The following LIN7A variants were observed in gnomAD, a reference collection of about 807,000 sequenced individuals.
LIN7A encodes the protein protein lin-7 homolog A.
In LIN7A, 25 loss-of-function variants were observed where a neutral mutation model predicts 29.8. That is an observed-to-expected ratio of 0.84 (90% confidence interval 0.61 to 1.17). LIN7A has a LOEUF of 1.17. Among genes scored for constraint, LIN7A ranks in the 50% most tolerant of loss-of-function variants. The probability of loss-of-function intolerance (pLI) is 0.00; values close to 1 mark genes in which losing one functional copy is unlikely to be tolerated. For missense variants in LIN7A, 239 were observed against 287.0 expected (o/e 0.83, Z 1.21); for synonymous variants, 118 against 107.5 (o/e 1.10, Z -0.60).
chr12:80,806,739 A>G (rs945808001), intron 5 of LIN7A, among the ~76,000 whole-genome samples: 1 of 152,230 alleles, frequency 6.6e-6, no homozygotes, highest in Non-Finnish European at 1.5e-5. Context: ...AAGTGTGACA[A>G]TCCCATTTAG....
chr12:80,919,625 G>C (rs1434168474), intron 1 of LIN7A, among the ~76,000 whole-genome samples: 2 of 152,140 alleles, frequency 1.3e-5, no homozygotes, highest in Non-Finnish European at 2.9e-5. Context: ...CTCTATCCCA[G>C]GAATGGGGTG....
intron 2 of LIN7A, among the ~76,000 whole-genome samples, chr12:80,866,847 T>G (rs1204438677): frequency 6.6e-6 from 1 of 152,212 alleles, no homozygotes; most frequent in Non-Finnish European, 1.5e-5. Flanking sequence ...AGCTGTGTCT[T>G]TGGAGGCTTG....
intron 2 of LIN7A, among the ~76,000 whole-genome samples, chr12:80,881,327 G>T (rs1875022815): frequency 6.6e-6 from 1 of 152,172 alleles, no homozygotes; most frequent in South Asian, 2.1e-4. Context: ...GGAGCCATCA[G>T]CTTTCTTTTC....
In LIN7A at chr12:80,793,956, T is replaced by C. The variant is rs1177925858; in HGVS notation, c.*3771A>G. ...GTTGAGTTCAACTCAGCATAAAAACTCTGTATCCCCAAACATTGTTCCTTA... is the reference window on the plus strand; with the variant it reads ...GTTGAGTTCAACTCAGCATAAAAACCCTGTATCCCCAAACATTGTTCCTTA... On this transcript the variant is annotated 3_prime_UTR_variant, in exon 6 of 6. Transcript: ENST00000552864. The C allele has an allele frequency of 6.6e-6, 1 of 152,146 alleles. No homozygotes were observed. The highest frequency in any genetic ancestry group is 1.5e-5 in the Non-Finnish European group (1 of 68,022). The allele number at this position is 152,146 out of a possible 1,614,324, so 9.4% of individuals were successfully genotyped here.
intron 2 of LIN7A, among the ~76,000 whole-genome samples, chr12:80,876,193 C>T (rs1352744746): frequency 1.3e-5 from 2 of 151,952 alleles, no homozygotes; most frequent in Admixed American, 6.5e-5. Flanking sequence ...AGGATCAAAA[C>T]TATGTGCCAC....
intron 2 of LIN7A, among the ~76,000 whole-genome samples, chr12:80,857,178 T>C (rs1018773473): frequency 6.6e-6 from 1 of 152,190 alleles, no homozygotes; most frequent in Admixed American, 6.5e-5. Context: ...AGTCTTCTCA[T>C]TTTATATTCC....
At chr12:80,810,947 G>A (rs1871257413) in intron 5 of LIN7A, among the ~76,000 whole-genome samples, 1 of 152,160 alleles carries the variant, frequency 6.6e-6, no homozygotes, top group Non-Finnish European at 1.5e-5. Context: ...ATAGACAGTG[G>A]CAGGTCTCAG....
chr12:80,848,631 C>T (rs1387136996), intron 2 of LIN7A, among the ~76,000 whole-genome samples: 1 of 145,734 alleles, frequency 6.9e-6, no homozygotes, highest in Non-Finnish European at 1.5e-5. Context: ...AACTAAAGTA[C>T]AGAAAAAAAA....
In LIN7A at chr12:80,893,968, C is replaced by T. The variant is rs552872874; in HGVS notation, c.83-4599G>A. On this transcript the variant is annotated intron_variant, in intron 1 of 5. Transcript: ENST00000552864. ...TCAAGTTCCTCCAGCCAGGCCTAGC[C>T]GTTTTGGAAACAAATAGGTGGGAGT... 1.7e-4 allele frequency among the ~76,000 whole-genome samples: 26 copies of T among 152,214 alleles called. No individual in the cohort carries two copies. In the East Asian group the frequency reaches 2.1e-3, roughly 12 times the overall value.
intron 1 of LIN7A, among the ~76,000 whole-genome samples, chr12:80,912,026 G>GA (rs1246698814): frequency 2.0e-5 from 3 of 151,746 alleles, no homozygotes; most frequent in African/African-American, 7.3e-5. Context: ...TAACAGATAA[G>GA]AAAAAATTTA....
chr12:80,836,066 TC>T (rs1872578034), intron 4 of LIN7A, among the ~76,000 whole-genome samples: 1 of 152,206 alleles, frequency 6.6e-6, no homozygotes, highest in African/African-American at 2.4e-5. Context: ...TATTAGAGAC[TC>T]TTGGCATATC....
At chr12:80,825,141 A>G (rs921021219) in intron 4 of LIN7A, among the ~76,000 whole-genome samples, 2 of 152,178 alleles carry the variant, frequency 1.3e-5, no homozygotes, top group African/African-American at 4.8e-5. Flanking sequence ...TTTTTTTAAA[A>G]ATCAATAGCC....
chr12:80,929,337 A>G (rs191914762), intron 1 of LIN7A, among the ~76,000 whole-genome samples: 11 of 152,326 alleles, frequency 7.2e-5, no homozygotes, highest in African/African-American at 2.6e-4. Context: ...GTAACCTGCC[A>G]TTCAAGCTAG....
At chr12:80,831,955 C>A (rs989677286) in intron 4 of LIN7A, among the ~76,000 whole-genome samples, 2 of 152,170 alleles carry the variant, frequency 1.3e-5, no homozygotes, top group African/African-American at 4.8e-5. Flanking sequence ...ACTGTCTAGC[C>A]TGGTGGCCAG....
intron 4 of LIN7A, among the ~76,000 whole-genome samples, chr12:80,814,594 G>T (rs1180272298): frequency 6.6e-6 from 1 of 151,926 alleles, no homozygotes; most frequent in African/African-American, 2.4e-5. Context: ...GAGGGCTGTG[G>T]TACTAATGTG....
At chr12:80,832,308 G>A (rs1872399568) in intron 4 of LIN7A, among the ~76,000 whole-genome samples, 1 of 152,098 alleles carries the variant, frequency 6.6e-6, no homozygotes, top group African/African-American at 2.4e-5. Context: ...GCCAGACATG[G>A]TACCATGGTT....
At chr12:80,923,247 T>C (rs781081101) in intron 1 of LIN7A, among the ~76,000 whole-genome samples, 12 of 152,332 alleles carry the variant, frequency 7.9e-5, no homozygotes, top group South Asian at 4.1e-4. Context: ...CAGCAACTCA[T>C]TGGGGTTCTC....
In LIN7A at chr12:80,929,262, C is replaced by T. The variant is rs149352887; in HGVS notation, c.82+8379G>A. Among the ~76,000 whole-genome samples, 637 of 152,292 alleles carry T rather than the reference C, an allele frequency of 4.2e-3. 3 individuals carry two copies. The highest frequency in any genetic ancestry group is 0.014 in the African/African-American group (601 of 41,580). ...GTACAATCAATATGCAATCAGCATT[C>T]TAATTTGATTCAATCTAATAAATGA... is the stretch of plus-strand genomic sequence containing the variant. On this transcript the variant is annotated intron_variant, in intron 1 of 5. Transcript: ENST00000552864.
At chr12:80,918,856 T>G (rs1012007783) in intron 1 of LIN7A, among the ~76,000 whole-genome samples, 2 of 152,242 alleles carry the variant, frequency 1.3e-5, no homozygotes, top group African/African-American at 4.8e-5. Flanking sequence ...GAGCTGCATA[T>G]ATGATAATGA....
Sources: allele counts gnomAD v4.1 joint callset (sites outside exome capture counted in the v4.1 genomes callset), GRCh38; gene constraint gnomAD v4.1.1; transcripts MANE v1.5; gene names NCBI Gene and HGNC (gene_info 2026-07-23, HGNC 2026-07-21).